The following PTPRD variants were observed in gnomAD, a reference collection of about 807,000 sequenced individuals.
The protein encoded by PTPRD is receptor-type tyrosine-protein phosphatase delta.
PTPRD carries 34 observed loss-of-function variants against 214.5 expected under a neutral mutation model. The observed-to-expected ratio is 0.16, with a 90% CI of 0.12 to 0.21. PTPRD has a LOEUF of 0.21. Ranked by LOEUF, PTPRD falls within the 10% of genes least tolerant of loss-of-function variation. The pLI is 1.00. For synonymous variants in PTPRD, 1,128 were observed against 845.7 expected (o/e 1.33, Z -5.79); for missense variants, 2,545 against 2,398.7 (o/e 1.06, Z -1.27).
intron 7 of PTPRD, among the ~76,000 whole-genome samples, chr9:9,702,761 A>G (rs1232303903): frequency 6.6e-6 from 1 of 152,198 alleles, no homozygotes. Flanking sequence ...TAAAAAGAGC[A>G]GTAAAGATAA....
At chr9:9,112,484 T>C (rs2099807434) in intron 10 of PTPRD, among the ~76,000 whole-genome samples, 2 of 152,160 alleles carry the variant, frequency 1.3e-5, no homozygotes, top group African/African-American at 4.8e-5. Context: ...ATCTAGCTGA[T>C]TAAAAACACT....
At chr9:9,881,018 T>C (rs1036030043) in intron 5 of PTPRD, among the ~76,000 whole-genome samples, 4 of 152,184 alleles carry the variant, frequency 2.6e-5, no homozygotes, top group African/African-American at 9.6e-5. Flanking sequence ...AAACCCTGCA[T>C]TGAAAAACAT....
At chr9:10,208,974 G>A (rs989657014) in intron 3 of PTPRD, among the ~76,000 whole-genome samples, 7 of 152,100 alleles carry the variant, frequency 4.6e-5, no homozygotes, top group Non-Finnish European at 1.0e-4. Flanking sequence ...GATATAAAGA[G>A]CTAAGAGTTC....
intron 7 of PTPRD, among the ~76,000 whole-genome samples, chr9:9,589,042 C>T (rs2092423571): frequency 6.6e-6 from 1 of 151,926 alleles, no homozygotes; most frequent in Admixed American, 6.6e-5. Context: ...AAGTTGACCA[C>T]TTCCGTATGC....
intron 8 of PTPRD, among the ~76,000 whole-genome samples, chr9:9,498,720 G>C (rs1272822878): frequency 6.6e-6 from 1 of 151,924 alleles, no homozygotes; most frequent in Non-Finnish European, 1.5e-5. Flanking sequence ...ACTGACTTGA[G>C]AAATAAAATG....
intron 11 of PTPRD, among the ~76,000 whole-genome samples, chr9:8,987,196 G>A (rs2154344705): frequency 6.6e-6 from 1 of 152,156 alleles, no homozygotes; most frequent in South Asian, 2.1e-4. Flanking sequence ...TTTGTCATTA[G>A]TAGCATTAGG....
intron 8 of PTPRD, among the ~76,000 whole-genome samples, chr9:9,552,169 A>T (rs762933771): frequency 1.3e-5 from 2 of 152,064 alleles, no homozygotes; most frequent in Non-Finnish European, 1.5e-5. Context: ...AAAGGCTCAG[A>T]GAGGTAAATT....
intron 12 of PTPRD, among the ~76,000 whole-genome samples, chr9:8,644,597 C>T (rs1034495940): frequency 3.9e-5 from 6 of 152,194 alleles, no homozygotes; most frequent in African/African-American, 1.4e-4. Context: ...GTGACTCACT[C>T]TTTGGGGCCT....
At chr9:9,288,761 C>T (rs746618897) in intron 9 of PTPRD, among the ~76,000 whole-genome samples, 1 of 151,862 alleles carries the variant, frequency 6.6e-6, no homozygotes, top group African/African-American at 2.4e-5. Context: ...ATAATCTCTA[C>T]GTGTCATGGG....
chr9:9,867,812 G>C (rs16930453), intron 5 of PTPRD, among the ~76,000 whole-genome samples: 1 of 152,108 alleles, frequency 6.6e-6, no homozygotes, highest in Non-Finnish European at 1.5e-5. Context: ...TGGTATAAAA[G>C]CATGGCAACC....
chr9:9,370,881 T>C (rs1007702689), intron 9 of PTPRD, among the ~76,000 whole-genome samples: 16 of 151,982 alleles, frequency 1.1e-4, no homozygotes, highest in Non-Finnish European at 2.9e-5. Flanking sequence ...ATGTGGTTTT[T>C]GTCTTTGGTT....
intron 3 of PTPRD, among the ~76,000 whole-genome samples, chr9:10,225,527 G>C (rs1341096349): frequency 2.0e-5 from 3 of 152,030 alleles, no homozygotes; most frequent in Non-Finnish European, 4.4e-5. Flanking sequence ...GCTAGACAAT[G>C]GATCATGAGA....
intron 21 of PTPRD, among the ~76,000 whole-genome samples, chr9:8,517,394 G>T (rs1187782114): frequency 2.0e-5 from 3 of 152,254 alleles, no homozygotes; most frequent in Admixed American, 2.0e-4. Flanking sequence ...TTATTTTCAA[G>T]CCAGTAGCTT....
intron 14 of PTPRD, among the ~76,000 whole-genome samples, chr9:8,580,844 A>T (rs1422447898): frequency 5.3e-5 from 8 of 152,236 alleles, no homozygotes; most frequent in African/African-American, 1.9e-4. Context: ...GCAATGATAG[A>T]AATACTGTTT....
chr9:9,192,728 A>G (rs1454581839), intron 9 of PTPRD, among the ~76,000 whole-genome samples: 1 of 152,130 alleles, frequency 6.6e-6, no homozygotes, highest in Admixed American at 6.6e-5. Context: ...ATGACTGATA[A>G]GAAAATGAAG....
intron 7 of PTPRD, among the ~76,000 whole-genome samples, chr9:9,718,627 C>T (rs1313377968): frequency 6.6e-6 from 1 of 152,236 alleles, no homozygotes; most frequent in Non-Finnish European, 1.5e-5. Context: ...CTGGCCTCTC[C>T]CTGCTCCAAG....
intron 12 of PTPRD, among the ~76,000 whole-genome samples, chr9:8,682,650 G>A (rs1409945469): frequency 6.6e-6 from 1 of 152,142 alleles, no homozygotes; most frequent in Non-Finnish European, 1.5e-5. Flanking sequence ...AGCAGGTGAT[G>A]TACAAAGCTC....
At chr9:9,562,621 C>A (rs957842259) in intron 8 of PTPRD, among the ~76,000 whole-genome samples, 2 of 152,094 alleles carry the variant, frequency 1.3e-5, no homozygotes, top group South Asian at 4.2e-4. Context: ...TTTCAAGCCT[C>A]CTTTCAGCCT....
At chr9:8,786,402 C>CTTTTTTTTTTTTTTTTTTTTTTTTTTT (rs36018689) in intron 11 of PTPRD, among the ~76,000 whole-genome samples, 1 of 66,996 alleles carries the variant, frequency 1.5e-5, no homozygotes, top group Non-Finnish European at 2.7e-5. Context: ...GTTTGGAGTT[C>CTTTTTTTTTTTTTTTTTTTTTTTTTTT]TTTTTTTTTT....
Sources: gnomAD v4.1 joint callset for allele counts (sites outside exome capture counted in the v4.1 genomes callset) on GRCh38, gnomAD v4.1.1 for gene constraint, MANE v1.5 for transcripts, NCBI Gene and HGNC (gene_info 2026-07-23, HGNC 2026-07-21) for gene names.